UBE2F: variants seen among roughly 807,000 people sequenced by gnomAD.
The protein encoded by UBE2F is NEDD8-conjugating enzyme UBE2F.
A neutral mutation model predicts 29.6 loss-of-function variants in UBE2F; 5 were observed. The observed-to-expected ratio is 0.17, with a 90% CI of 0.09 to 0.36. The LOEUF (loss-of-function observed/expected upper bound fraction) is 0.36, where lower values mean the gene tolerates loss of function less well. Ranked by LOEUF, UBE2F falls within the 10% of genes least tolerant of loss-of-function variation. The pLI is 1.00. For synonymous variants in UBE2F, 66 were observed against 81.8 expected, an observed-to-expected ratio of 0.81 and a Z score of 1.04; for missense variants, 141 against 228.5, an observed-to-expected ratio of 0.62 and a Z score of 2.47.
At chr2:237,969,280 G>A (rs1411662075) in intron 1 of UBE2F, among the ~76,000 whole-genome samples, 1 of 151,954 alleles carries the variant, frequency 6.6e-6, no homozygotes, top group Non-Finnish European at 1.5e-5. Flanking sequence ...GGGTATAAAA[G>A]CGTTAAGCGT....
intron 2 of UBE2F, among the ~76,000 whole-genome samples, chr2:237,975,600 T>C (rs1277834731): frequency 6.6e-6 from 1 of 152,180 alleles, no homozygotes; most frequent in East Asian, 1.9e-4. Context: ...CAGACACAAA[T>C]CACTGTTAAA....
chr2:237,992,856 C>T (rs1163652857), intron 3 of UBE2F, among the ~76,000 whole-genome samples: 2 of 152,120 alleles, frequency 1.3e-5, no homozygotes, highest in African/African-American at 4.8e-5. Context: ...CATTGTCAAA[C>T]TAAGCAAATA....
chr2:238,021,921 C>G (rs960154197), intron 5 of UBE2F, among the ~76,000 whole-genome samples: 3 of 152,180 alleles, frequency 2.0e-5, no homozygotes, highest in African/African-American at 7.2e-5. Flanking sequence ...TCCTCTGGAT[C>G]AGTTCCTAGA....
chr2:238,013,150 G>A (rs2064078992), intron 4 of UBE2F, among the ~76,000 whole-genome samples: 1 of 152,232 alleles, frequency 6.6e-6, no homozygotes, highest in East Asian at 1.9e-4. Context: ...CACACCTGTA[G>A]TCCCAGCTAC....
chr2:238,027,939 A>C (rs1003706484), intron 6 of UBE2F, among the ~76,000 whole-genome samples: 5 of 152,172 alleles, frequency 3.3e-5, no homozygotes. Flanking sequence ...CTGCTCTGGC[A>C]CAAGGTCAGA....
intron 5 of UBE2F, among the ~76,000 whole-genome samples, chr2:238,020,289 G>T (rs1302457368): frequency 1.3e-5 from 2 of 152,124 alleles, no homozygotes; most frequent in East Asian, 3.9e-4. Flanking sequence ...CCCTCTCTCT[G>T]CCCCCTACAA....
intron 4 of UBE2F, among the ~76,000 whole-genome samples, chr2:238,005,702 T>G (rs947189328): frequency 1.3e-5 from 2 of 152,158 alleles, no homozygotes; most frequent in Non-Finnish European, 2.9e-5. Context: ...TTGTTGACAT[T>G]ACATGACTAT....
chr2:237,992,650 G>A (rs772412555), intron 3 of UBE2F, among the ~76,000 whole-genome samples: 13 of 152,194 alleles, frequency 8.5e-5, no homozygotes, highest in Non-Finnish European at 1.3e-4. Flanking sequence ...TGAGGTAGGG[G>A]AAGGAGTCAT....
In UBE2F at chr2:238,025,349, A is replaced by C; in HGVS notation, c.290A>C (p.Lys97Thr). ...VPDAYNMVPP[K>T]VKCLTKIWHP... ...ATTGTCTCTGTGTTGCAGCCTCCCAAAGTGAAATGCCTGACCAAGATCTGG... is the reference window on the plus strand; with the variant it reads ...ATTGTCTCTGTGTTGCAGCCTCCCACAGTGAAATGCCTGACCAAGATCTGG... The change falls in exon 6 of 10, where the codon AAA becomes ACA. Residue 97 changes from lysine to threonine, a missense_variant. Lys to Thr is a moderately conservative substitution (Grantham distance 78, BLOSUM62 -1). Transcript: ENST00000272930. 1 of 1,613,984 alleles carries C rather than the reference A, an allele frequency of 6.2e-7. No homozygotes were observed. The highest frequency in any genetic ancestry group is 8.5e-7 in the Non-Finnish European group (1 of 1,179,936).
intron 8 of UBE2F, 42 bp downstream of exon 8, chr2:238,032,296 T>C: frequency 6.5e-7 from 1 of 1,544,496 alleles, no homozygotes; most frequent in Non-Finnish European, 8.9e-7. Context: ...CTCAATTTCC[T>C]TGTTGCTGGT....
At chr2:238,003,292 T>A (rs1056574724) in intron 4 of UBE2F, 6 of 463,860 alleles carry the variant, frequency 1.3e-5, no homozygotes, top group African/African-American at 1.2e-4. Context: ...GCTCTTAAAA[T>A]GTCAGTTATC....
Position 237,988,003 on chromosome 2 carries a change from C to T in UBE2F, c.148+11C>T. On this transcript the variant is annotated intron_variant, in intron 3 of 9. Coordinates refer to ENST00000272930, the MANE Select transcript of UBE2F (RefSeq NM_080678.3). ...AAGCTAATTTACCTTGTAAGTATAGCATCCCCAAACACTAAGTACTGTGAA... is the reference window on the plus strand; with the variant it reads ...AAGCTAATTTACCTTGTAAGTATAGTATCCCCAAACACTAAGTACTGTGAA... 6.7e-7 allele frequency: 1 copy of T among 1,491,370 alleles called. No homozygotes were observed. Among genetic ancestry groups the T allele is most frequent in the South Asian group, 1.3e-5 (1 of 74,750 alleles). The allele number at this position is 1,491,370 out of a possible 1,614,324, so 92.4% of individuals were successfully genotyped here.
intron 4 of UBE2F, among the ~76,000 whole-genome samples, chr2:237,996,598 C>G (rs187863323): frequency 1.9e-4 from 29 of 152,058 alleles, no homozygotes; most frequent in Non-Finnish European, 3.5e-4. Flanking sequence ...GCCTCAGCCT[C>G]CTGAGTAGCT....
chr2:237,999,924 G>A (rs1052467723), intron 4 of UBE2F, among the ~76,000 whole-genome samples: 4 of 149,594 alleles, frequency 2.7e-5, no homozygotes, highest in African/African-American at 7.4e-5. Context: ...TCCCAGGTTC[G>A]AGCGATTCTC....
chr2:237,972,997 A>G (rs916991659), intron 1 of UBE2F, 95 bp from the exon 2 acceptor site: 14 of 1,394,040 alleles, frequency 1.0e-5, no homozygotes, highest in Non-Finnish European at 1.1e-5. Flanking sequence ...TTGTGGGAAA[A>G]AATCAAAATA....
At chr2:238,025,509 C>A in intron 6 of UBE2F, 97 bp downstream of exon 6, 1 of 1,152,864 alleles carries the variant, frequency 8.7e-7, no homozygotes, top group Non-Finnish European at 1.3e-6. Flanking sequence ...GATTTTGAGG[C>A]ATGGCCAAGA....
intron 3 of UBE2F, among the ~76,000 whole-genome samples, chr2:237,988,279 C>T (rs112441829): frequency 0.29 from 44,650 of 151,816 alleles, 8,168 homozygotes; most frequent in Admixed American, 0.41. Flanking sequence ...GAAACCCTGT[C>T]TCTACTAAAA....
chr2:237,971,340 A>AT (rs972758579), intron 1 of UBE2F, among the ~76,000 whole-genome samples: 1 of 152,104 alleles, frequency 6.6e-6, no homozygotes, highest in African/African-American at 2.4e-5. Flanking sequence ...ATTTTATTTT[A>AT]TTTTTTTGAG....
chr2:238,041,581 C>A lies in UBE2F; in HGVS notation c.*243C>A. ...CTGAAGAGTTGTCTGCTTACCTTAA[C>A]ATGTTTACTTTTTTGAACTTGTACT... On this transcript the variant is annotated 3_prime_UTR_variant, in exon 10 of 10. Transcript: ENST00000272930. The A allele has an allele frequency of 2.1e-6, 1 of 473,892 alleles. No homozygotes were observed. The highest frequency in any genetic ancestry group is 3.8e-6 in the Non-Finnish European group (1 of 262,812). The allele number at this position is 473,892 out of a possible 1,614,324, so 29.4% of individuals were successfully genotyped here. A position where few individuals can be genotyped will look rare whatever the true frequency, so the allele number is the denominator to read the frequency against.
Sources: gnomAD v4.1 joint callset for allele counts (sites outside exome capture counted in the v4.1 genomes callset) on GRCh38, gnomAD v4.1.1 for gene constraint, MANE v1.5 for transcripts, NCBI Gene and HGNC (gene_info 2026-07-23, HGNC 2026-07-21) for gene names.